The following MAGI2 variants were observed in gnomAD, a reference collection of about 807,000 sequenced individuals.
The protein encoded by MAGI2 is membrane associated guanylate kinase, WW and PDZ domain containing 2, also known as membrane-associated guanylate kinase, WW and PDZ domain-containing protein 2.
In MAGI2, 35 loss-of-function variants were observed where a neutral mutation model predicts 133.3. That is an observed-to-expected ratio of 0.26 (90% CI 0.20 to 0.35). The LOEUF is 0.35. Among genes scored for constraint, MAGI2 ranks in the 10% least tolerant of loss-of-function variants. The pLI is 1.00. For missense variants in MAGI2, 1,636 were observed against 1,863.4 expected (o/e 0.88, Z 2.25); for synonymous variants, 729 against 710.6 (o/e 1.03, Z -0.41).
At chr7:79,068,568 T>A (rs1226317927) in intron 1 of MAGI2, among the ~76,000 whole-genome samples, 1 of 152,088 alleles carries the variant, frequency 6.6e-6, no homozygotes, top group South Asian at 2.1e-4. Flanking sequence ...TTTTGAAGGG[T>A]TTTTTGTGTG....
rs138524846 is a variant in MAGI2, at chr7:78,582,350, C to G, written c.538+44770G>C. Among the ~76,000 whole-genome samples the G allele has an allele frequency of 9.7e-4, 147 of 152,252 alleles. 1 individual carries two copies. The highest frequency in any genetic ancestry group is 1.8e-3 in the Non-Finnish European group (123 of 68,022). Reference sequence around the variant, plus strand: ...AAACATTAGATCTGGATATTCCTGTCCTCACTGAACAGAAAGTCACCAACT... The same window carrying G: ...AAACATTAGATCTGGATATTCCTGTGCTCACTGAACAGAAAGTCACCAACT... On this transcript the variant is annotated intron_variant, in intron 3 of 21. Coordinates refer to ENST00000354212, the MANE Select transcript of MAGI2 (RefSeq NM_012301.4).
chr7:79,374,631 T>C (rs1403829310), intron 1 of MAGI2, among the ~76,000 whole-genome samples: 2 of 152,010 alleles, frequency 1.3e-5, no homozygotes, highest in Non-Finnish European at 2.9e-5. Context: ...ACATGTAATA[T>C]AATGGCAACT....
intron 1 of MAGI2, among the ~76,000 whole-genome samples, chr7:79,268,268 A>C (rs1834627606): frequency 2.0e-5 from 3 of 152,174 alleles, no homozygotes; most frequent in Admixed American, 1.3e-4. Flanking sequence ...CAACACTGGA[A>C]ATGTCTTGTA....
At chr7:79,106,849 A>T (rs1030597136) in intron 1 of MAGI2, among the ~76,000 whole-genome samples, 1 of 152,182 alleles carries the variant, frequency 6.6e-6, no homozygotes, top group Non-Finnish European at 1.5e-5. Flanking sequence ...TTCTAGCTTC[A>T]TACTCTTCTA....
chr7:78,350,362 G>A (rs1232333699), intron 7 of MAGI2: 1 of 152,158 alleles, frequency 6.6e-6, no homozygotes, highest in East Asian at 1.9e-4. Context: ...GAAGACTCAG[G>A]GCTACCCTAA....
In MAGI2 at chr7:79,171,743, A is replaced by AATAT. The variant is rs34570751; in HGVS notation, c.302-164541_302-164538dup. On this transcript the variant is annotated intron_variant, in intron 1 of 21. Transcript: ENST00000354212. ...AAAATTAAGCAAGACAATAGCCAAAAATATATATATATATATATATATATA... is the reference window on the plus strand; with the variant it reads ...AAAATTAAGCAAGACAATAGCCAAAAATATATATATATATATATATATATATATA... Among the ~76,000 whole-genome samples, 74 of 29,578 alleles carry AATAT rather than the reference A, an allele frequency of 2.5e-3. 2 individuals carry two copies. The highest frequency in any genetic ancestry group is 5.5e-3 in the East Asian group (7 of 1,274). The allele number at this position is 29,578 out of a possible 152,430, so 19.4% of individuals were successfully genotyped here.
intron 2 of MAGI2, among the ~76,000 whole-genome samples, chr7:78,955,773 C>CT (rs779916716): frequency 1.9e-4 from 18 of 95,476 alleles, no homozygotes; most frequent in East Asian, 2.7e-4. Context: ...TTCTTTCTTT[C>CT]TTTCTTTCTT....
chr7:78,531,046 A>G (rs1797423553), intron 3 of MAGI2, among the ~76,000 whole-genome samples: 1 of 152,134 alleles, frequency 6.6e-6, no homozygotes, highest in Admixed American at 6.5e-5. Context: ...AGATATGATG[A>G]CCCTGCTCCC....
At chr7:78,356,629 G>A (rs904593793) in intron 7 of MAGI2, among the ~76,000 whole-genome samples, 2 of 152,174 alleles carry the variant, frequency 1.3e-5, no homozygotes, top group Non-Finnish European at 2.9e-5. Context: ...AAAAGGACAT[G>A]GAAACATGTT....
intron 21 of MAGI2, among the ~76,000 whole-genome samples, chr7:78,035,898 C>G (rs981732517): frequency 6.6e-6 from 1 of 152,058 alleles, no homozygotes; most frequent in Non-Finnish European, 1.5e-5. Context: ...GTTAGTAGTG[C>G]CTTCCAAAAA....
At chr7:79,321,046 T>C (rs1389181805) in intron 1 of MAGI2, among the ~76,000 whole-genome samples, 4 of 152,166 alleles carry the variant, frequency 2.6e-5, no homozygotes, top group African/African-American at 9.6e-5. Context: ...GGAGTCATTA[T>C]TGAATTTCTG....
rs144461213 is a variant in MAGI2, at chr7:78,631,973, G to A, written c.419-4734C>T. ...TAGCATCTTCATAGGGCTAATGTGA[G>A]GAACAAATGGGATAATTCATATAAC... On this transcript the variant is annotated intron_variant, in intron 2 of 21. Transcript: ENST00000354212. 7.2e-5 allele frequency among the ~76,000 whole-genome samples: 11 copies of A among 152,292 alleles called. No homozygotes were observed. The East Asian group carries it at 2.1e-3, about 29-fold the overall frequency.
At chr7:78,817,483 G>A (rs540577382) in intron 2 of MAGI2, among the ~76,000 whole-genome samples, 68 of 152,030 alleles carry the variant, frequency 4.5e-4, no homozygotes, top group Non-Finnish European at 7.1e-4. Context: ...GGCAAACTTC[G>A]TCATTTTCTT....
intron 1 of MAGI2, among the ~76,000 whole-genome samples, chr7:79,275,748 A>C (rs1243389044): frequency 6.6e-6 from 1 of 152,150 alleles, no homozygotes; most frequent in East Asian, 1.9e-4. Context: ...CTTTAAGTTG[A>C]AGCCAGTGTT....
intron 2 of MAGI2, among the ~76,000 whole-genome samples, chr7:78,808,788 C>T (rs1001440618): frequency 6.6e-6 from 1 of 152,090 alleles, no homozygotes; most frequent in Admixed American, 6.5e-5. Context: ...TATGGGAGCA[C>T]CCCACTTCCA....
intron 3 of MAGI2, among the ~76,000 whole-genome samples, chr7:78,599,117 T>A (rs1804918186): frequency 6.6e-6 from 1 of 152,160 alleles, no homozygotes; most frequent in African/African-American, 2.4e-5. Context: ...GACCTTGTAT[T>A]TTGGCACCAC....
At chr7:78,891,688 C>G (rs905166674) in intron 2 of MAGI2, among the ~76,000 whole-genome samples, 16 of 152,144 alleles carry the variant, frequency 1.1e-4, no homozygotes, top group Non-Finnish European at 1.5e-4. Flanking sequence ...ACACTTCATG[C>G]TAAAATCTCT....
At chr7:78,149,146 C>T (rs1823611874) in intron 16 of MAGI2, among the ~76,000 whole-genome samples, 1 of 152,120 alleles carries the variant, frequency 6.6e-6, no homozygotes, top group Non-Finnish European at 1.5e-5. Context: ...GTCATGCCAG[C>T]CTCATTTCAA....
At chr7:78,109,042 T>C (rs560704648) in intron 20 of MAGI2, among the ~76,000 whole-genome samples, 2,150 of 151,730 alleles carry the variant, frequency 0.014, 12 homozygotes, top group African/African-American at 0.049. Flanking sequence ...CGGTGGCTCA[T>C]GCCTGTAATC....
Sources: gnomAD v4.1 joint callset for allele counts (sites outside exome capture counted in the v4.1 genomes callset) on GRCh38, gnomAD v4.1.1 for gene constraint, MANE v1.5 for transcripts, NCBI Gene and HGNC (gene_info 2026-07-23, HGNC 2026-07-21) for gene names.